Variants in FAM151B observed in about 807,000 individuals in gnomAD.
FAM151B encodes the protein protein FAM151B.
A neutral mutation model predicts 31.2 loss-of-function variants in FAM151B; 24 were observed. The observed-to-expected ratio is 0.77, with a 90% confidence interval of 0.56 to 1.08. FAM151B has a LOEUF of 1.08. Ranked by LOEUF, FAM151B falls within the 50% of genes least tolerant of loss-of-function variation. The pLI is 0.00. For synonymous variants in FAM151B, 105 were observed against 111.4 expected (o/e 0.94, Z 0.36); for missense variants, 293 against 328.6 (o/e 0.89, Z 0.84).
intron 1 of FAM151B, among the ~76,000 whole-genome samples, chr5:80,491,736 C>T (rs1425809219): frequency 6.6e-6 from 1 of 152,108 alleles, no homozygotes; most frequent in Non-Finnish European, 1.5e-5. Flanking sequence ...TTTTTCTTTC[C>T]GTACCTGGCT....
intron 5 of FAM151B, among the ~76,000 whole-genome samples, chr5:80,534,858 C>T (rs1477905550): frequency 6.6e-6 from 1 of 152,118 alleles, no homozygotes; most frequent in East Asian, 1.9e-4. Context: ...TTTGGAAAAA[C>T]CTAAAGACTC....
At chr5:80,529,190 A>G (rs969557425) in intron 5 of FAM151B, among the ~76,000 whole-genome samples, 39 of 152,158 alleles carry the variant, frequency 2.6e-4, no homozygotes, top group African/African-American at 7.7e-4. Flanking sequence ...TGAAACCAAC[A>G]AGAACAAAGA....
intron 5 of FAM151B, among the ~76,000 whole-genome samples, chr5:80,529,691 G>A (rs1357658855): frequency 2.0e-5 from 3 of 152,132 alleles, no homozygotes; most frequent in Non-Finnish European, 4.4e-5. Context: ...AAACCAGGAA[G>A]AAGTTGAATC....
At chr5:80,517,005 G>A (rs767530330) in intron 3 of FAM151B, among the ~76,000 whole-genome samples, 61 of 152,128 alleles carry the variant, frequency 4.0e-4, no homozygotes, top group Non-Finnish European at 7.9e-4. Flanking sequence ...CCCAGCTGGG[G>A]TGTGACTCAT....
At chr5:80,535,742 T>A (rs1330374640) in intron 5 of FAM151B, among the ~76,000 whole-genome samples, 1 of 152,082 alleles carries the variant, frequency 6.6e-6, no homozygotes, top group African/African-American at 2.4e-5. Context: ...ACAAATGGGA[T>A]CACATCAAGT....
At chr5:80,488,385 G>A (rs1743191827) in intron 1 of FAM151B, among the ~76,000 whole-genome samples, 1 of 152,248 alleles carries the variant, frequency 6.6e-6, no homozygotes, top group Admixed American at 6.5e-5. Context: ...AGGGGAGGTC[G>A]AGAATGGCAG....
chr5:80,500,946 C>T, intron 1 of FAM151B: 3 of 725,304 alleles, frequency 4.1e-6, no homozygotes, highest in East Asian at 5.0e-5. Context: ...AAGCAAATAA[C>T]TTGCTGTGGC....
intron 5 of FAM151B, among the ~76,000 whole-genome samples, chr5:80,525,748 A>T (rs2112653077): frequency 6.6e-6 from 1 of 152,264 alleles, no homozygotes; most frequent in African/African-American, 2.4e-5. Flanking sequence ...CAGAGTAACT[A>T]AAATAACCTC....
At chr5:80,517,123 A>G (rs1316205450) in intron 3 of FAM151B, among the ~76,000 whole-genome samples, 1 of 152,196 alleles carries the variant, frequency 6.6e-6, no homozygotes, top group Non-Finnish European at 1.5e-5. Flanking sequence ...AAGGGTGAGT[A>G]CGGTACAGTA....
At position 80,497,322 on chromosome 5, in the gene FAM151B, T is replaced by C. The variant is rs189972045; in HGVS notation, c.26-4470T>C. On this transcript the variant is annotated intron_variant, in intron 1 of 5. Transcript: ENST00000282226. ...CTCAGCTGCTCAGAAGGCTGAAGCA[T>C]AAGAATTGCTTGAACACAGGAGGCG... 1.3e-3 allele frequency among the ~76,000 whole-genome samples: 191 copies of C among 149,122 alleles called. 1 individual carries two copies. Among genetic ancestry groups the C allele is most frequent in the African/African-American group, 4.3e-3 (174 of 40,418 alleles).
At chr5:80,509,702 A>G (rs1170716889) in intron 2 of FAM151B, among the ~76,000 whole-genome samples, 3 of 152,208 alleles carry the variant, frequency 2.0e-5, no homozygotes, top group African/African-American at 7.2e-5. Flanking sequence ...TATTTTCTCT[A>G]TATGCTGCTG....
chr5:80,492,149 C>G (rs1743354472), intron 1 of FAM151B, among the ~76,000 whole-genome samples: 1 of 150,664 alleles, frequency 6.6e-6, no homozygotes, highest in Non-Finnish European at 1.5e-5. Flanking sequence ...TTGTACTTCA[C>G]TTTATTGTGC....
At chr5:80,536,724 GA>G (rs1745532538) in intron 5 of FAM151B, among the ~76,000 whole-genome samples, 1 of 152,144 alleles carries the variant, frequency 6.6e-6, no homozygotes, top group Non-Finnish European at 1.5e-5. Flanking sequence ...CCATAAAAAA[GA>G]ATGAGATCCT....
intron 1 of FAM151B, among the ~76,000 whole-genome samples, chr5:80,490,570 C>T (rs1561357459): frequency 6.6e-6 from 1 of 152,162 alleles, no homozygotes; most frequent in Non-Finnish European, 1.5e-5. Flanking sequence ...ACTTCCCCAT[C>T]CCCCACCCTT....
chr5:80,501,216 C>G (rs1743730309), intron 1 of FAM151B: 1 of 328,060 alleles, frequency 3.0e-6, no homozygotes, highest in Non-Finnish European at 5.7e-6. Context: ...GACAGGGTTC[C>G]ACCATGTTGG....
At chr5:80,488,761 A>AT (rs1487347636) in intron 1 of FAM151B, among the ~76,000 whole-genome samples, 1 of 152,266 alleles carries the variant, frequency 6.6e-6, no homozygotes, top group Admixed American at 6.5e-5. Flanking sequence ...TGTAAAAATA[A>AT]TACACGCTTT....
chr5:80,508,789 G>A (rs1561365927), intron 2 of FAM151B, among the ~76,000 whole-genome samples: 1 of 152,074 alleles, frequency 6.6e-6, no homozygotes, highest in Non-Finnish European at 1.5e-5. Flanking sequence ...GCAAGTTAAG[G>A]TGCAGTGGAC....
intron 1 of FAM151B, among the ~76,000 whole-genome samples, chr5:80,492,710 T>C (rs1036088757): frequency 1.3e-5 from 2 of 152,158 alleles, no homozygotes; most frequent in African/African-American, 4.8e-5. Context: ...CCCAGAACTT[T>C]GGGAGGCTGA....
intron 1 of FAM151B, among the ~76,000 whole-genome samples, chr5:80,489,370 CG>C (rs1743229948): frequency 6.6e-6 from 1 of 152,098 alleles, no homozygotes; most frequent in South Asian, 2.1e-4. Context: ...GCTAAACCTC[CG>C]TAGAACATTT....
Sources: allele counts gnomAD v4.1 joint callset (sites outside exome capture counted in the v4.1 genomes callset), GRCh38; gene constraint gnomAD v4.1.1; transcripts MANE v1.5; gene names NCBI Gene and HGNC (gene_info 2026-07-23, HGNC 2026-07-21).